Variants in MYH10 observed in about 807,000 individuals in gnomAD.
MYH10 encodes the protein myosin heavy chain 10, also known as myosin-10.
Under a neutral mutation model 257.8 loss-of-function variants are expected in MYH10, and 55 were observed. The ratio of observed to expected loss-of-function variants is 0.21; its 90% CI spans 0.17 to 0.27. The LOEUF is 0.27. Ranked by LOEUF, MYH10 falls within the 10% of genes least tolerant of loss-of-function variation. MYH10 has a pLI of 1.00. For missense variants in MYH10, 1,631 were observed against 2,500.6 expected (o/e 0.65, Z 7.42); for synonymous variants, 854 against 921.7 (o/e 0.93, Z 1.33).
chr17:8,494,525 A>G (rs1402618947), intron 31 of MYH10, among the ~76,000 whole-genome samples: 1 of 148,468 alleles, frequency 6.7e-6, no homozygotes, highest in African/African-American at 2.5e-5. Flanking sequence ...TAATTATTCC[A>G]CTTTTGGCCT....
intron 23 of MYH10, among the ~76,000 whole-genome samples, chr17:8,513,169 T>C (rs1435880374): frequency 6.6e-6 from 1 of 152,232 alleles, no homozygotes; most frequent in Non-Finnish European, 1.5e-5. Flanking sequence ...TGGTGACCTC[T>C]ACTCAAGCAT....
rs1055999166 is a variant in MYH10 at position 8,493,984 on chromosome 17, C to A, written c.4057-99G>T. On this transcript the variant is annotated intron_variant, in intron 31 of 42. Coordinates refer to ENST00000360416, the MANE Select transcript of MYH10 (RefSeq NM_001256012.3). Reference sequence around the variant, plus strand: ...TCATGTCGTACAAAAGAGACAGCCTCAATGCATGAGAACGCCCAGTGACAT... The same window carrying A: ...TCATGTCGTACAAAAGAGACAGCCTAAATGCATGAGAACGCCCAGTGACAT... 7 of 1,346,340 alleles carry A rather than the reference C, an allele frequency of 5.2e-6. No individual in the cohort carries two copies. In the South Asian group the frequency reaches 1.0e-4, roughly 19 times the overall value. The allele number at this position is 1,346,340 out of a possible 1,614,324, so 83.4% of individuals were successfully genotyped here.
intron 4 of MYH10, among the ~76,000 whole-genome samples, chr17:8,586,840 T>A (rs1348091427): frequency 6.6e-6 from 1 of 152,272 alleles, no homozygotes; most frequent in East Asian, 1.9e-4. Flanking sequence ...AACCACTTCA[T>A]CTAAGAGAAG....
In MYH10 at chr17:8,490,477, C is replaced by G; in HGVS notation, c.4747G>C (p.Glu1583Gln). 6.2e-7 allele frequency: 1 copy of G among 1,614,248 alleles called. No individual in the cohort carries two copies. Among genetic ancestry groups the G allele is most frequent in the Non-Finnish European group, 8.5e-7 (1 of 1,180,048 alleles). ...EEMRTQLEELEDELQATEDAK... is the reference protein window; with the variant it reads ...EEMRTQLEELQDELQATEDAK... ...TCTTCCGTGGCCTGGAGTTCGTCTT[C>G]CAGCTCCTCCAGCTGGGTCCTCATT... is the stretch of plus-strand genomic sequence containing the variant. Residue 1583 changes from glutamate (E) to glutamine (Q), a missense_variant, in exon 35 of 43, where the codon GAA (glutamate) becomes CAA (glutamine). By Grantham distance (29) the Glu-to-Gln change is conservative (BLOSUM62 2). Transcript: ENST00000360416. The surrounding 1 kb of genome is among the most constrained non-coding windows in gnomAD (Gnocchi z 4.1).
chr17:8,521,265 C>G lies in MYH10; in HGVS notation c.1978G>C (p.Asp660His). 1 of 1,614,080 alleles carries G rather than the reference C, an allele frequency of 6.2e-7. No individual in the cohort carries two copies. ...GTCTCAGTCATACCAGTGACTTGATCCAGACCCACGATACGGTCCACTGGG... is the reference window on the plus strand; with the variant it reads ...GTCTCAGTCATACCAGTGACTTGATGCAGACCCACGATACGGTCCACTGGG... ...EPPVDRIVGLDQVTGMTETAF... is the reference protein window; with the variant it reads ...EPPVDRIVGLHQVTGMTETAF... Residue 660 changes from aspartate to histidine, a missense_variant, in exon 18 of 43, where the codon GAT becomes CAT. Around this residue, in one of 11 missense-constraint regions of MYH10, gnomAD observed 96 missense variants for 146.2 expected, o/e 0.66. Transcript: ENST00000360416.
rs1567949503 is a variant in MYH10, at chr17:8,590,872, C to CTTTTTTT, written c.503-1765_503-1764insAAAAAAA. 7.7e-4 allele frequency among the ~76,000 whole-genome samples: 11 copies of CTTTTTTT among 14,284 alleles called. 1 individual carries two copies. In the South Asian group the frequency reaches 0.053, roughly 69 times the overall value. The allele number at this position is 14,284 out of a possible 152,430, so 9.4% of individuals were successfully genotyped here. A position where few individuals can be genotyped will look rare whatever the true frequency, so the allele number is the denominator to read the frequency against. ...CTCTCCCTCAGGTTTCTCAATGTCGCCTTTTTTTTTTTTTTTTTGAGATGG... is the reference window on the plus strand; with the variant it reads ...CTCTCCCTCAGGTTTCTCAATGTCGCTTTTTTTCTTTTTTTTTTTTTTTTTGAGATGG... On this transcript the variant is annotated intron_variant, in intron 3 of 42. Coordinates refer to ENST00000360416, the MANE Select transcript of MYH10 (RefSeq NM_001256012.3).
intron 17 of MYH10, among the ~76,000 whole-genome samples, chr17:8,527,868 G>A (rs1302198465): frequency 1.3e-5 from 2 of 152,224 alleles, no homozygotes; most frequent in African/African-American, 4.8e-5. Context: ...AAACAGGGAG[G>A]AGGAGAATAT....
intron 4 of MYH10, among the ~76,000 whole-genome samples, chr17:8,585,498 A>C (rs71371853): frequency 0.019 from 2,815 of 151,958 alleles, 36 homozygotes; most frequent in Non-Finnish European, 0.028. Context: ...CACTTGGAGT[A>C]CTGTATTTGG....
intron 21 of MYH10, 116 bp from the exon 22 acceptor site, chr17:8,514,010 G>C (rs1370397910): frequency 3.3e-6 from 3 of 898,172 alleles, no homozygotes; most frequent in Admixed American, 2.4e-5. Flanking sequence ...GGGAATGATT[G>C]CATCAATCAA....
chr17:8,497,806 G>C (rs1020766772), intron 30 of MYH10, among the ~76,000 whole-genome samples: 1 of 145,162 alleles, frequency 6.9e-6, no homozygotes, highest in African/African-American at 2.6e-5. Context: ...ACCATGTACA[G>C]TTCATGACTT....
intron 13 of MYH10, among the ~76,000 whole-genome samples, 168 bp from the exon 14 acceptor site, chr17:8,542,448 C>T (rs2082315274): frequency 6.6e-6 from 1 of 152,064 alleles, no homozygotes; most frequent in Non-Finnish European, 1.5e-5. Context: ...GGGTGGTCTC[C>T]CAATCCCTCT....
intron 32 of MYH10, among the ~76,000 whole-genome samples, chr17:8,493,273 G>A (rs1916058041): frequency 6.6e-6 from 1 of 151,966 alleles, no homozygotes; most frequent in African/African-American, 2.4e-5. Flanking sequence ...GAGCCCAGGA[G>A]GTGGAGGCTG....
At chr17:8,626,602 T>TAAG (rs1045903304) in intron 1 of MYH10, among the ~76,000 whole-genome samples, 4 of 145,098 alleles carry the variant, frequency 2.8e-5, no homozygotes, top group Non-Finnish European at 6.0e-5. Flanking sequence ...ATAATAATAA[T>TAAG]AATAATAAGT....
At position 8,506,246 on chromosome 17, in the gene MYH10, C is replaced by G; in HGVS notation, c.3386+72G>C. On this transcript the variant is annotated intron_variant, in intron 27 of 42. Coordinates refer to ENST00000360416, the MANE Select transcript of MYH10 (RefSeq NM_001256012.3). The surrounding 1 kb of genome is among the most constrained non-coding windows in gnomAD (Gnocchi z 5.0). ...CACTCTCCCAGGGTTTTTGAATGCT[C>G]CCGAACATAACAAAGTCTGCTGAAA... 6.8e-7 allele frequency: 1 copy of G among 1,468,752 alleles called. No individual in the cohort carries two copies. Among genetic ancestry groups the G allele is most frequent in the Non-Finnish European group, 9.0e-7 (1 of 1,108,560 alleles). The allele number at this position is 1,468,752 out of a possible 1,614,324, so 91.0% of individuals were successfully genotyped here. A position where few individuals can be genotyped will look rare whatever the true frequency, so the allele number is the denominator to read the frequency against.
chr17:8,519,004 TCTA>T (rs1393700286), intron 19 of MYH10, 54 bp from the exon 20 acceptor site: 5 of 1,375,154 alleles, frequency 3.6e-6, no homozygotes, highest in Non-Finnish European at 5.1e-6. Context: ...ACGATGTGTA[TCTA>T]CTAACTGTGT....
At chr17:8,595,700 G>C (rs1452370825) in intron 3 of MYH10, among the ~76,000 whole-genome samples, 1 of 152,048 alleles carries the variant, frequency 6.6e-6, no homozygotes, top group Non-Finnish European at 1.5e-5. Context: ...CAAAGTGCTG[G>C]GATTACAGGC....
chr17:8,537,769 G>A (rs2082181044), intron 14 of MYH10, among the ~76,000 whole-genome samples: 1 of 152,178 alleles, frequency 6.6e-6, no homozygotes, highest in Admixed American at 6.5e-5. Flanking sequence ...CTTGGTGACA[G>A]CATGATCATG....
chr17:8,603,956 G>A (rs1017845086), intron 3 of MYH10, among the ~76,000 whole-genome samples: 3 of 152,132 alleles, frequency 2.0e-5, no homozygotes, highest in Non-Finnish European at 4.4e-5. Context: ...GAAGTAGGAC[G>A]TGGGTATTGT....
At chr17:8,500,522 A>C (rs1234800178) in intron 29 of MYH10, among the ~76,000 whole-genome samples, 1 of 152,186 alleles carries the variant, frequency 6.6e-6, no homozygotes, top group African/African-American at 2.4e-5. Context: ...CTTTCAAACC[A>C]TTCGGGGTTT....
Sources: allele counts gnomAD v4.1 joint callset (sites outside exome capture counted in the v4.1 genomes callset), GRCh38; gene constraint gnomAD v4.1.1; regional missense constraint gnomAD v4.1.1; non-coding constraint Gnocchi (gnomAD v3.1); transcripts MANE v1.5; gene names NCBI Gene and HGNC (gene_info 2026-07-23, HGNC 2026-07-21).